The following CNOT4 variants were observed in gnomAD, a reference collection of about 807,000 sequenced individuals.
CNOT4 encodes the protein CCR4-associated factor 4.
Under a neutral mutation model 73.8 loss-of-function variants are expected in CNOT4, and 8 were observed. The observed-to-expected ratio is 0.11, with a 90% CI of 0.06 to 0.20. The LOEUF is 0.20. Among genes scored for constraint, CNOT4 ranks in the 10% least tolerant of loss-of-function variants. The pLI is 1.00. For synonymous variants in CNOT4, 293 were observed against 321.1 expected, an observed-to-expected ratio of 0.91 and a Z score of 0.94; for missense variants, 564 against 883.4, an observed-to-expected ratio of 0.64 and a Z score of 4.58.
chr7:135,373,320 T>C (rs1210500401), intron 10 of CNOT4, among the ~76,000 whole-genome samples: 1 of 152,244 alleles, frequency 6.6e-6, no homozygotes, highest in Non-Finnish European at 1.5e-5. Context: ...TGCTTCCTTC[T>C]ATCTTTAGGT....
At chr7:135,376,274 T>C (rs1795513995) in intron 10 of CNOT4, among the ~76,000 whole-genome samples, 1 of 152,212 alleles carries the variant, frequency 6.6e-6, no homozygotes, top group South Asian at 2.1e-4. Flanking sequence ...ATTTATTGCA[T>C]GTCTACTCTG....
At chr7:135,392,129 T>C (rs145867218) in intron 10 of CNOT4, among the ~76,000 whole-genome samples, 1,984 of 152,146 alleles carry the variant, frequency 0.013, 19 homozygotes, top group Middle Eastern at 0.041. Context: ...AAATCTAAGA[T>C]ATGATAGTAG....
In CNOT4 at chr7:135,362,995, A is replaced by AAGG. The variant is rs1177545890; in HGVS notation, c.2029_2031dup (p.Pro677dup). 6.2e-7 allele frequency: 1 copy of AAGG among 1,613,162 alleles called. No individual in the cohort carries two copies. Among genetic ancestry groups the AAGG allele is most frequent in the Non-Finnish European group, 8.5e-7 (1 of 1,179,844 alleles). Reference sequence around the variant, plus strand: ...GGGGAGTGGAAGCTGGAAGGGTTTGAAGGAGGAGGGTAGGGATTCCAACTG... The same window carrying AAGG: ...GGGGAGTGGAAGCTGGAAGGGTTTGAAGGAGGAGGAGGGTAGGGATTCCAACTG... On this transcript the variant is annotated inframe_insertion, in exon 12 of 12. Coordinates refer to ENST00000541284, the MANE Select transcript of CNOT4 (RefSeq NM_001190850.2).
Position 135,470,245 on chromosome 7 carries a change from T to A in CNOT4, c.-92-31822A>T, listed in dbSNP as rs1472613033. On this transcript the variant is annotated intron_variant, in intron 1 of 11. Coordinates refer to ENST00000541284, the MANE Select transcript of CNOT4 (RefSeq NM_001190850.2). ...CCCAGGCTCAAGCAATCCTCCCACC[T>A]CAGCCTCCTGAGTAGCTAGGACCCA... 6.6e-5 allele frequency among the ~76,000 whole-genome samples: 10 copies of A among 152,080 alleles called. No individual in the cohort carries two copies. In the East Asian group the frequency reaches 1.9e-3, roughly 29 times the overall value.
chr7:135,483,319 C>T (rs949724122), intron 1 of CNOT4, among the ~76,000 whole-genome samples: 1 of 150,326 alleles, frequency 6.7e-6, no homozygotes, highest in African/African-American at 2.5e-5. Context: ...GCCTGAGTGA[C>T]AGTTTAAGAC....
intron 1 of CNOT4, among the ~76,000 whole-genome samples, chr7:135,452,988 C>G (rs1171828934): frequency 1.3e-5 from 2 of 152,158 alleles, no homozygotes; most frequent in Non-Finnish European, 2.9e-5. Context: ...TTGCCTATAT[C>G]AATTTATTTT....
Position 135,378,518 on chromosome 7 carries a change from GAA to G in CNOT4, c.1628-14454_1628-14453del, listed in dbSNP as rs34652888. Among the ~76,000 whole-genome samples, 521 of 145,194 alleles carry G rather than the reference GAA, an allele frequency of 3.6e-3. 1 individual carries two copies. Among genetic ancestry groups the G allele is most frequent in the Middle Eastern group, 0.018 (5 of 284 alleles). On this transcript the variant is annotated intron_variant, in intron 10 of 11. Transcript: ENST00000541284. The stretch of plus-strand genomic sequence containing the variant: ...CAAACAAAATAAAAATAGAGAGAAG[GAA>G]AAAAAAAAAAACAAGAATATACTCG...
At chr7:135,501,071 C>T (rs1293094908) in intron 1 of CNOT4, among the ~76,000 whole-genome samples, 1 of 151,542 alleles carries the variant, frequency 6.6e-6, no homozygotes, top group Non-Finnish European at 1.5e-5. Flanking sequence ...GCAACCTCCG[C>T]CTCCCGGGTT....
chr7:135,363,889 C>T lies in CNOT4; in HGVS notation c.1805G>A (p.Ser602Asn), dbSNP rs781105581. The change falls in exon 11 of 12, where the codon AGC becomes AAC. Residue 602 changes from serine to asparagine, a missense_variant. Ser to Asn is a conservative substitution (Grantham distance 46). Transcript: ENST00000541284. This position sits in a 1 kb window ranked among gnomAD's most constrained non-coding sequence, Gnocchi z 4.3. ...GGCTGGGTCTGTCCAGCTGCCAGGG[C>T]TGTCCCAACTCAGGCTGTCGGTGGT... ...TATTDSLSWD[S>N]PGSWTDPAII... 1 of 1,598,002 alleles carries T rather than the reference C, an allele frequency of 6.3e-7. No homozygotes were observed. The highest frequency in any genetic ancestry group is 2.2e-5 in the East Asian group (1 of 44,878).
At chr7:135,444,344 G>T in intron 1 of CNOT4, 1 of 644,816 alleles carries the variant, frequency 1.6e-6, no homozygotes, top group Non-Finnish European at 2.8e-6. Flanking sequence ...TTTGACAATA[G>T]CCAAAAAATG....
Position 135,387,269 on chromosome 7 carries a change from A to G in CNOT4, c.1627+6649T>C, listed in dbSNP as rs1796166837. 4 of 985,020 alleles carry G rather than the reference A, an allele frequency of 4.1e-6. No homozygotes were observed. In the Admixed American group the frequency reaches 1.8e-4, roughly 45 times the overall value. The allele number at this position is 985,020 out of a possible 1,614,324, so 61.0% of individuals were successfully genotyped here. ...GATTGATGTTTATGCTGAATTTTAC[A>G]AAAATAACTTAAATGGCTAGACAAT... On this transcript the variant is annotated intron_variant, in intron 10 of 11. Coordinates refer to ENST00000541284, the MANE Select transcript of CNOT4 (RefSeq NM_001190850.2).
At chr7:135,469,701 C>G (rs905193274) in intron 1 of CNOT4, among the ~76,000 whole-genome samples, 1 of 152,112 alleles carries the variant, frequency 6.6e-6, no homozygotes, top group African/African-American at 2.4e-5. Context: ...CCTATATGGC[C>G]TAGCAATTCC....
chr7:135,377,973 A>C (rs1685964977), intron 10 of CNOT4, among the ~76,000 whole-genome samples: 1 of 152,208 alleles, frequency 6.6e-6, no homozygotes, highest in South Asian at 2.1e-4. Context: ...TTACTGAAAA[A>C]AATTTATTTA....
rs768451518 is a variant in CNOT4, at chr7:135,438,145, T to G, written c.174+13A>C. 1 of 1,450,646 alleles carries G rather than the reference T, an allele frequency of 6.9e-7. No individual in the cohort carries two copies. Among genetic ancestry groups the G allele is most frequent in the East Asian group, 2.3e-5 (1 of 44,038 alleles). 89.9% of individuals were successfully genotyped at this position (1,450,646 alleles called of 1,614,324 possible). A position where few individuals can be genotyped will look rare whatever the true frequency, so the allele number is the denominator to read the frequency against. On this transcript the variant is annotated intron_variant, in intron 2 of 11. Transcript: ENST00000541284. ...TAAAACAAATCACTGTGAAGTTATT[T>G]TGAAGTATTTACCTTTCTACATGCA...
intron 3 of CNOT4, among the ~76,000 whole-genome samples, chr7:135,421,808 C>T (rs6955300): frequency 0.039 from 5,881 of 152,222 alleles, 392 homozygotes; most frequent in African/African-American, 0.13. Context: ...GGTTCTTATA[C>T]AGACACAGAA....
intron 10 of CNOT4, chr7:135,387,921 A>G (rs1796203174): frequency 1.0e-6 from 1 of 960,816 alleles, no homozygotes; most frequent in African/African-American, 1.8e-5. Context: ...TTATCTTATT[A>G]TCACATTTTA....
Position 135,362,790 on chromosome 7 carries a change from CA to C in CNOT4, c.*94del, listed in dbSNP as rs752537640. ...TGATCAGGTACTGGATTCTTCAGAA[CA>C]TAAGAGATGAGAAGGGAGCTGTGGG... On this transcript the variant is annotated 3_prime_UTR_variant, in exon 12 of 12. Transcript: ENST00000541284. 3.3e-5 allele frequency: 38 copies of C among 1,155,150 alleles called. No individual in the cohort carries two copies. Among genetic ancestry groups the C allele is most frequent in the Admixed American group, 6.7e-5 (4 of 59,436 alleles). The allele number at this position is 1,155,150 out of a possible 1,614,324, so 71.6% of individuals were successfully genotyped here.
intron 1 of CNOT4, among the ~76,000 whole-genome samples, chr7:135,505,819 CATA>C (rs1195388665): frequency 3.9e-5 from 6 of 151,952 alleles, no homozygotes; most frequent in African/African-American, 1.5e-4. Flanking sequence ...AGAATCGTAT[CATA>C]AAAAAGAAAT....
chr7:135,509,533 G>A (rs1349535018), intron 1 of CNOT4: 1 of 152,580 alleles, frequency 6.6e-6, no homozygotes, highest in Non-Finnish European at 1.5e-5. Flanking sequence ...CAGGGGATTG[G>A]GGAAACAAGG....
Sources: gnomAD v4.1 joint callset for allele counts (sites outside exome capture counted in the v4.1 genomes callset) on GRCh38, gnomAD v4.1.1 for gene constraint, Gnocchi (gnomAD v3.1) non-coding constraint, MANE v1.5 for transcripts, NCBI Gene and HGNC (gene_info 2026-07-23, HGNC 2026-07-21) for gene names.